SLX9: variants seen among roughly 807,000 people sequenced by gnomAD.
SLX9 encodes the protein ribosome biogenesis protein SLX9 homolog.
A neutral mutation model predicts 20.8 loss-of-function variants in SLX9; 19 were observed. That is an observed-to-expected ratio of 0.91 (90% confidence interval 0.64 to 1.34). SLX9 has a LOEUF of 1.34. Ranked by LOEUF, SLX9 falls within the 40% of genes most tolerant of loss-of-function variation. SLX9 has a pLI of 0.00. For synonymous variants in SLX9, 113 were observed against 137.1 expected (o/e 0.82, Z 1.23); for missense variants, 299 against 322.2 (o/e 0.93, Z 0.55).
intron 1 of SLX9, among the ~76,000 whole-genome samples, chr21:44,942,749 C>A (rs115834889): frequency 4.6e-5 from 7 of 152,004 alleles, no homozygotes; most frequent in Non-Finnish European, 8.8e-5. Flanking sequence ...AGAGGTTGAA[C>A]GGAGGTGGTT....
At chr21:44,966,381 C>G (rs1038520600) in intron 3 of SLX9, among the ~76,000 whole-genome samples, 2 of 152,210 alleles carry the variant, frequency 1.3e-5, no homozygotes, top group Non-Finnish European at 2.9e-5. Flanking sequence ...GCAGGCCGTC[C>G]GCGCTCCACA....
chr21:44,943,934 TAC>T (rs2084596551), intron 2 of SLX9, 97 bp downstream of exon 2: 1 of 1,512,728 alleles, frequency 6.6e-7, no homozygotes, highest in Admixed American at 1.9e-5. Context: ...AGCTAACCTG[TAC>T]CTGACAATGT....
At chr21:44,966,786 C>A (rs1001426830) in intron 3 of SLX9, among the ~76,000 whole-genome samples, 1 of 152,274 alleles carries the variant, frequency 6.6e-6, no homozygotes, top group Non-Finnish European at 1.5e-5. Flanking sequence ...AGGAGAAATC[C>A]TCAGTGGCTG....
chr21:44,971,194 C>CGCTGCTCCTGCCTGGAGGGAGTG (rs2085140637), intron 4 of SLX9, among the ~76,000 whole-genome samples: 2 of 43,984 alleles, frequency 4.5e-5, no homozygotes, highest in African/African-American at 4.4e-5. Flanking sequence ...GTGGTGACGC[C>CGCTGCTCCTGCCTGGAGGGAGTG]GCTGCTCCTG....
intron 2 of SLX9, among the ~76,000 whole-genome samples, chr21:44,956,501 G>C (rs554017357): frequency 6.6e-6 from 1 of 152,320 alleles, no homozygotes; most frequent in Admixed American, 6.5e-5. Context: ...GGCATGTGCC[G>C]CTTCAGCTGG....
chr21:44,972,652 G>T (rs866768327), intron 4 of SLX9, among the ~76,000 whole-genome samples: 1 of 152,238 alleles, frequency 6.6e-6, no homozygotes, highest in African/African-American at 2.4e-5. Context: ...GCTTCCCACT[G>T]TAGCACAGCG....
At chr21:44,947,938 G>A (rs758784663) in intron 2 of SLX9, among the ~76,000 whole-genome samples, 4 of 152,238 alleles carry the variant, frequency 2.6e-5, no homozygotes, top group Non-Finnish European at 4.4e-5. Flanking sequence ...CTCCATGTCC[G>A]CTCTGGGGGT....
At chr21:44,965,092 A>G (rs2085010405) in intron 3 of SLX9, among the ~76,000 whole-genome samples, 1 of 152,228 alleles carries the variant, frequency 6.6e-6, no homozygotes, top group Admixed American at 6.5e-5. Flanking sequence ...CTTTGTAAAA[A>G]ATGTTTTTAC....
chr21:44,954,328 A>G (rs1431844535), intron 2 of SLX9, among the ~76,000 whole-genome samples: 3 of 152,046 alleles, frequency 2.0e-5, no homozygotes, highest in Non-Finnish European at 4.4e-5. Flanking sequence ...GGTGCCGTGC[A>G]CAGGCTGTCT....
At chr21:44,961,491 G>A (rs1377965126) in intron 3 of SLX9, among the ~76,000 whole-genome samples, 1 of 152,160 alleles carries the variant, frequency 6.6e-6, no homozygotes, top group Non-Finnish European at 1.5e-5. Context: ...GGAGGCTGAG[G>A]TAGGAAGATC....
chr21:44,959,253 G>C, intron 2 of SLX9: 2 of 985,442 alleles, frequency 2.0e-6, no homozygotes. Context: ...AAGCCAGGAA[G>C]GTCTGCATGA....
At chr21:44,976,314 A>G (rs1212614780) in intron 5 of SLX9, among the ~76,000 whole-genome samples, 2 of 150,732 alleles carry the variant, frequency 1.3e-5, no homozygotes, top group East Asian at 1.9e-4. Flanking sequence ...CTCTGTGTGC[A>G]CCTATTTTGG....
At chr21:44,961,322 T>C (rs1432159470) in intron 3 of SLX9, among the ~76,000 whole-genome samples, 1 of 152,220 alleles carries the variant, frequency 6.6e-6, no homozygotes, top group Non-Finnish European at 1.5e-5. Flanking sequence ...CTCATGCCTG[T>C]AATCCCAGCA....
At chr21:44,968,522 A>G (rs7283630) in intron 4 of SLX9, among the ~76,000 whole-genome samples, 11,907 of 152,220 alleles carry the variant, frequency 0.078, 1,551 homozygotes, top group African/African-American at 0.27. Flanking sequence ...CCCGTCTCCC[A>G]GGAGCTTGGC....
rs1169541615 is a variant in SLX9, at chr21:44,957,194, AGT to A, written c.284-2905_284-2904del. Among the ~76,000 whole-genome samples the A allele has an allele frequency of 2.6e-5, 4 of 152,270 alleles. No individual in the cohort carries two copies. In the South Asian group the frequency reaches 8.3e-4, roughly 31 times the overall value. On this transcript the variant is annotated intron_variant, in intron 2 of 5. Transcript: ENST00000291634. ...GAGCCACCCCCAGAGCTCTGTGATG[AGT>A]CAGCTCAGGGCAGGTTTCTAGTCAC...
At chr21:44,948,105 C>T (rs2146617610) in intron 2 of SLX9, among the ~76,000 whole-genome samples, 1 of 152,380 alleles carries the variant, frequency 6.6e-6, no homozygotes, top group South Asian at 2.1e-4. Context: ...GGCTGATCCT[C>T]CAGCCTTGGG....
At chr21:44,940,301 G>A (rs961267410) in intron 1 of SLX9, 115 bp downstream of exon 1, 13 of 1,175,190 alleles carry the variant, frequency 1.1e-5, no homozygotes, top group South Asian at 4.3e-5. Context: ...GGCTCTGCGG[G>A]CATTTGCTGC....
At chr21:44,956,976 C>A (rs1461718109) in intron 2 of SLX9, among the ~76,000 whole-genome samples, 1 of 152,184 alleles carries the variant, frequency 6.6e-6, no homozygotes, top group Non-Finnish European at 1.5e-5. Flanking sequence ...GAGGCGGTTG[C>A]CTTGCCCAGT....
intron 2 of SLX9, among the ~76,000 whole-genome samples, chr21:44,951,111 C>T (rs2146626734): frequency 6.6e-6 from 1 of 152,272 alleles, no homozygotes; most frequent in East Asian, 1.9e-4. Flanking sequence ...ACAGCAGCAG[C>T]AGAACACACA....
Sources: allele counts gnomAD v4.1 joint callset (sites outside exome capture counted in the v4.1 genomes callset), GRCh38; gene constraint gnomAD v4.1.1; transcripts MANE v1.5; gene names NCBI Gene and HGNC (gene_info 2026-07-23, HGNC 2026-07-21).